Variants in HMGA1 observed in about 807,000 individuals in gnomAD.
HMGA1 encodes the protein high mobility group protein HMG-I/HMG-Y.
Under a neutral mutation model 15.1 loss-of-function variants are expected in HMGA1, and 1 was observed. The ratio of observed to expected loss-of-function variants is 0.07; its 90% confidence interval spans 0.02 to 0.31. The LOEUF is 0.31. Ranked by LOEUF, HMGA1 falls within the 10% of genes least tolerant of loss-of-function variation. HMGA1 has a pLI of 1.00. For synonymous variants in HMGA1, 56 were observed against 54.8 expected, an observed-to-expected ratio of 1.02 and a Z score of -0.10; for missense variants, 94 against 141.4, an observed-to-expected ratio of 0.66 and a Z score of 1.70.
chr6:34,242,315 C>T (rs1762375278), intron 3 of HMGA1, among the ~76,000 whole-genome samples: 1 of 152,132 alleles, frequency 6.6e-6, no homozygotes. Flanking sequence ...CCCATTTAAT[C>T]TCCATGACAC....
chr6:34,239,888 CCTCA>C (rs1412585099), intron 2 of HMGA1, among the ~76,000 whole-genome samples: 1 of 152,142 alleles, frequency 6.6e-6, no homozygotes, highest in African/African-American at 2.4e-5. Context: ...GAGCCCTAAA[CCTCA>C]TCCTAAAGGA....
At chr6:34,242,287 C>G (rs551944955) in intron 3 of HMGA1, among the ~76,000 whole-genome samples, 1 of 152,174 alleles carries the variant, frequency 6.6e-6, no homozygotes, top group South Asian at 2.1e-4. Flanking sequence ...TGGCCCAGTG[C>G]TAGATAACCA....
chr6:34,238,294 T>C (rs992167098), intron 2 of HMGA1, among the ~76,000 whole-genome samples: 4 of 151,898 alleles, frequency 2.6e-5, no homozygotes, highest in Admixed American at 2.0e-4. Context: ...CCGGCCGGCC[T>C]GCAACGGCCG....
intron 2 of HMGA1, among the ~76,000 whole-genome samples, chr6:34,238,033 C>T (rs1459246668): frequency 6.6e-6 from 1 of 152,150 alleles, no homozygotes; most frequent in Non-Finnish European, 1.5e-5. Flanking sequence ...CTTTGACTCC[C>T]CGTTTCTATT....
In HMGA1 at chr6:34,245,160, A is replaced by G. The variant is rs1435999890; in HGVS notation, c.*276A>G. ...CGCATACACACATGCCCTCCTGGAC[A>G]AGGCTAACATCCCACTTAGCCGCAC... On this transcript the variant is annotated 3_prime_UTR_variant, in exon 6 of 6. Transcript: ENST00000311487. 5 of 1,465,046 alleles carry G rather than the reference A, an allele frequency of 3.4e-6. No individual in the cohort carries two copies. The highest frequency in any genetic ancestry group is 5.6e-5 in the East Asian group (2 of 35,512). 90.8% of individuals were successfully genotyped at this position (1,465,046 alleles called of 1,614,324 possible).
intron 3 of HMGA1, among the ~76,000 whole-genome samples, chr6:34,241,271 G>A (rs1028170970): frequency 2.6e-5 from 4 of 152,162 alleles, no homozygotes; most frequent in African/African-American, 9.7e-5. Flanking sequence ...ATGCAGTAAA[G>A]ACGAATGAAC....
In HMGA1 at chr6:34,245,275, G is replaced by T. The variant is rs1275646332; in HGVS notation, c.*391G>T. On this transcript the variant is annotated 3_prime_UTR_variant, in exon 6 of 6. Coordinates refer to ENST00000311487, the MANE Select transcript of HMGA1 (RefSeq NM_145899.3). ...GGGGCGCCCTCTCTGCTCCTTCACTGTTCCCTCTGGCTTCCCATAGTGGGG... is the reference window on the plus strand; with the variant it reads ...GGGGCGCCCTCTCTGCTCCTTCACTTTTCCCTCTGGCTTCCCATAGTGGGG... 3.6e-6 allele frequency: 5 copies of T among 1,373,958 alleles called. No homozygotes were observed. The highest frequency in any genetic ancestry group is 4.8e-6 in the Non-Finnish European group (5 of 1,041,622). The allele number at this position is 1,373,958 out of a possible 1,614,324, so 85.1% of individuals were successfully genotyped here.
chr6:34,244,770 C>T, intron 5 of HMGA1, 61 bp from the exon 6 acceptor site: 2 of 1,437,664 alleles, frequency 1.4e-6, no homozygotes, highest in East Asian at 2.5e-5. Flanking sequence ...TGGGGCCAGC[C>T]TCTGGGGGTG....
chr6:34,240,558 C>A, intron 2 of HMGA1, 179 bp from the exon 3 acceptor site: 1 of 575,184 alleles, frequency 1.7e-6, no homozygotes. Flanking sequence ...GCCAACGGCC[C>A]TTCCCCGCCC....
chr6:34,240,228 G>A (rs1246006257), intron 2 of HMGA1, among the ~76,000 whole-genome samples: 1 of 152,184 alleles, frequency 6.6e-6, no homozygotes, highest in Admixed American at 6.5e-5. Context: ...AGGCAATATT[G>A]TCAGTGAGGT....
At chr6:34,240,701 G>A (rs1264426715) in intron 2 of HMGA1, 36 bp from the exon 3 acceptor site, 3 of 1,543,260 alleles carry the variant, frequency 1.9e-6, no homozygotes, top group Middle Eastern at 2.3e-4. Context: ...TGGCTGAAGC[G>A]AGATGTTTGT....
rs144540283 is a variant in HMGA1 at position 34,245,669 on chromosome 6, A to G, written c.*785A>G. ...GAGGCCCAAGAGCCCTGTGGCCGCC[A>G]CCTGAGGTGGGCTGGGGCTGCTCCC... is the stretch of plus-strand genomic sequence containing the variant. On this transcript the variant is annotated 3_prime_UTR_variant, in exon 6 of 6. Transcript: ENST00000311487. 7.8e-7 allele frequency: 1 copy of G among 1,289,368 alleles called. No individual in the cohort carries two copies. The highest frequency in any genetic ancestry group is 1.0e-6 in the Non-Finnish European group (1 of 960,506). 79.9% of individuals were successfully genotyped at this position (1,289,368 alleles called of 1,614,324 possible).
chr6:34,241,307 T>G (rs1762290626), intron 3 of HMGA1, among the ~76,000 whole-genome samples: 1 of 152,160 alleles, frequency 6.6e-6, no homozygotes. Flanking sequence ...AGCCCAGGGT[T>G]TTTAATCATT....
Position 34,245,007 on chromosome 6 carries a change from C to T in HMGA1, c.*123C>T, listed in dbSNP as rs1178286914. ...CACCATCACCACCGCCTCTGGCCGC[C>T]ACCCCCATCTTCCACCTGTGCCCTC... is the stretch of plus-strand genomic sequence containing the variant. On this transcript the variant is annotated 3_prime_UTR_variant, in exon 6 of 6. Coordinates refer to ENST00000311487, the MANE Select transcript of HMGA1 (RefSeq NM_145899.3). 6.5e-7 allele frequency: 1 copy of T among 1,543,964 alleles called. No individual in the cohort carries two copies. Among genetic ancestry groups the T allele is most frequent in the South Asian group, 1.2e-5 (1 of 83,332 alleles).
In HMGA1 at chr6:34,242,727, G is replaced by A. The variant is rs768532721; in HGVS notation, c.151G>A (p.Val51Met). ...LVGSQKEPSE[V>M]PTPKRPRGRP... Reference sequence around the variant, plus strand: ...GTCTTTACAGAAGGAGCCCAGCGAAGTGCCAACACCTAAGAGACCTCGGGG... The same window carrying A: ...GTCTTTACAGAAGGAGCCCAGCGAAATGCCAACACCTAAGAGACCTCGGGG... The change falls in exon 4 of 6, where the codon GTG (valine) becomes ATG (methionine). Residue 51 changes from valine (V) to methionine (M), a missense_variant. Transcript: ENST00000311487. 2 of 1,586,288 alleles carry A rather than the reference G, an allele frequency of 1.3e-6. No homozygotes were observed. The highest frequency in any genetic ancestry group is 1.7e-6 in the Non-Finnish European group (2 of 1,164,532).
chr6:34,238,507 G>C (rs1326908006), intron 2 of HMGA1, among the ~76,000 whole-genome samples: 1 of 152,210 alleles, frequency 6.6e-6, no homozygotes, highest in African/African-American at 2.4e-5. Context: ...GGACGGGGAA[G>C]AAAACAAGGG....
At chr6:34,243,592 A>G in intron 5 of HMGA1, 74 bp downstream of exon 5, 1 of 1,176,956 alleles carries the variant, frequency 8.5e-7, no homozygotes, top group Non-Finnish European at 1.3e-6. Context: ...ACAGTACCTG[A>G]TGCTATGCAC....
intron 2 of HMGA1, among the ~76,000 whole-genome samples, chr6:34,239,332 C>T (rs7749653): frequency 6.6e-6 from 1 of 151,626 alleles, no homozygotes; most frequent in Non-Finnish European, 1.5e-5. Context: ...TGGTCTCGAA[C>T]TCCTGACCTC....
rs1288348346 is a variant in HMGA1 at position 34,239,842 on chromosome 6, G to A, written c.-44-895G>A. On this transcript the variant is annotated intron_variant, in intron 2 of 5. Coordinates refer to ENST00000311487, the MANE Select transcript of HMGA1 (RefSeq NM_145899.3). ...ACCCCAACAGGCCTCTAAGAAGAAG[G>A]AAGATGCTAGAAAATGACCAAGAAG... Among the ~76,000 whole-genome samples the A allele has an allele frequency of 2.0e-5, 3 of 152,142 alleles. No individual in the cohort carries two copies. In the East Asian group the frequency reaches 5.8e-4, roughly 29 times the overall value.
Sources: allele counts gnomAD v4.1 joint callset (sites outside exome capture counted in the v4.1 genomes callset), GRCh38; gene constraint gnomAD v4.1.1; transcripts MANE v1.5; gene names NCBI Gene and HGNC (gene_info 2026-07-23, HGNC 2026-07-21).